ARHGAP25: variants seen among roughly 807,000 people sequenced by gnomAD.
The protein encoded by ARHGAP25 is rho GTPase-activating protein 25.
In ARHGAP25, 34 loss-of-function variants were observed where a neutral mutation model predicts 71.0. That is an observed-to-expected ratio of 0.48 (90% confidence interval 0.36 to 0.64). ARHGAP25 has a LOEUF of 0.64. Among genes scored for constraint, ARHGAP25 ranks in the 30% least tolerant of loss-of-function variants. The pLI is 0.00. For synonymous variants in ARHGAP25, 282 were observed against 296.5 expected (o/e 0.95, Z 0.50); for missense variants, 706 against 805.1 (o/e 0.88, Z 1.49).
At chr2:68,720,979 C>A (rs985173750) in intron 2 of ARHGAP25, among the ~76,000 whole-genome samples, 1 of 152,202 alleles carries the variant, frequency 6.6e-6, no homozygotes, top group African/African-American at 2.4e-5. Flanking sequence ...ACTCAAAGCA[C>A]CCCCAGACTC....
At chr2:68,766,468 G>C (rs1199825680) in intron 1 of ARHGAP25, among the ~76,000 whole-genome samples, 1 of 152,108 alleles carries the variant, frequency 6.6e-6, no homozygotes, top group Non-Finnish European at 1.5e-5. Context: ...GGCGGAGAGG[G>C]CTGGGTAAGG....
chr2:68,787,258 T>C (rs1198547557), intron 3 of ARHGAP25, among the ~76,000 whole-genome samples: 1 of 152,222 alleles, frequency 6.6e-6, no homozygotes, highest in Non-Finnish European at 1.5e-5. Context: ...GTAAAGAAAG[T>C]TCTAACAAGT....
intron 1 of ARHGAP25, among the ~76,000 whole-genome samples, chr2:68,739,899 C>T (rs10187273): frequency 6.6e-6 from 1 of 151,814 alleles, no homozygotes; most frequent in African/African-American, 2.4e-5. Context: ...AACCAAAAGT[C>T]ACTTTGCAAA....
At chr2:68,790,386 C>A (rs10204878) in intron 4 of ARHGAP25, among the ~76,000 whole-genome samples, 125,440 of 152,188 alleles carry the variant, frequency 0.82, 51,923 homozygotes, top group African/African-American at 0.9. Flanking sequence ...ACAAATCAGA[C>A]ATTTGTTCTT....
At chr2:68,798,253 A>G (rs1021510154) in intron 4 of ARHGAP25, among the ~76,000 whole-genome samples, 2 of 152,228 alleles carry the variant, frequency 1.3e-5, no homozygotes, top group African/African-American at 4.8e-5. Flanking sequence ...TTCCTAATCC[A>G]CAGCACAATT....
At chr2:68,763,682 C>T (rs943517516) in intron 1 of ARHGAP25, among the ~76,000 whole-genome samples, 5 of 152,166 alleles carry the variant, frequency 3.3e-5, no homozygotes, top group Non-Finnish European at 5.9e-5. Context: ...ATATTCCAGA[C>T]ATTTGAGTGA....
chr2:68,805,760 C>T (rs1272902549), intron 4 of ARHGAP25, among the ~76,000 whole-genome samples: 1 of 152,138 alleles, frequency 6.6e-6, no homozygotes, highest in Non-Finnish European at 1.5e-5. Flanking sequence ...CACAGGAACT[C>T]GAGGTGGGAT....
At chr2:68,809,236 A>T (rs571264697) in intron 5 of ARHGAP25, among the ~76,000 whole-genome samples, 1 of 151,488 alleles carries the variant, frequency 6.6e-6, no homozygotes, top group South Asian at 2.1e-4. Flanking sequence ...ATACTCCCCT[A>T]CTTCTCATTC....
At chr2:68,726,385 G>T (rs1458006038) in intron 2 of ARHGAP25, among the ~76,000 whole-genome samples, 3 of 152,332 alleles carry the variant, frequency 2.0e-5, no homozygotes, top group African/African-American at 7.2e-5. Flanking sequence ...TGGCCAAAAG[G>T]AGGTGTTACG....
chr2:68,735,273 TC>T lies in ARHGAP25; in HGVS notation c.61+14del. 1 of 1,613,384 alleles carries T rather than the reference TC, an allele frequency of 6.2e-7. No homozygotes were observed. Among genetic ancestry groups the T allele is most frequent in the Non-Finnish European group, 8.5e-7 (1 of 1,179,304 alleles). On this transcript the variant is annotated intron_variant, in intron 1 of 10. Transcript: ENST00000409202. ...GCTGCGAAAATAGGTATGGTTGGTGTCTTTTCGTTGCCTCTGTGATTCTTAC... is the reference window on the plus strand; with the variant it reads ...GCTGCGAAAATAGGTATGGTTGGTGTTTTTCGTTGCCTCTGTGATTCTTAC...
intron 4 of ARHGAP25, among the ~76,000 whole-genome samples, chr2:68,792,487 C>G (rs1435897348): frequency 6.6e-6 from 1 of 152,210 alleles, no homozygotes; most frequent in Non-Finnish European, 1.5e-5. Context: ...TTAGCTCCCA[C>G]TTATAAGTCA....
intron 4 of ARHGAP25, among the ~76,000 whole-genome samples, chr2:68,802,412 A>AAG (rs1680036311): frequency 6.6e-6 from 1 of 151,110 alleles, no homozygotes; most frequent in Non-Finnish European, 1.5e-5. Flanking sequence ...CATCTCAAAA[A>AAG]AAAAAAAAAA....
chr2:68,718,322 C>A (rs1004386124), intron 2 of ARHGAP25, among the ~76,000 whole-genome samples: 1 of 152,108 alleles, frequency 6.6e-6, no homozygotes, highest in Admixed American at 6.5e-5. Flanking sequence ...CTAGAGGCTT[C>A]CAGCATTGCC....
intron 5 of ARHGAP25, 123 bp from the exon 6 acceptor site, chr2:68,813,161 ACTC>A: frequency 2.8e-6 from 3 of 1,067,900 alleles, no homozygotes; most frequent in African/African-American, 3.2e-5. Flanking sequence ...TTATCAGACT[ACTC>A]CTCTGCAAAA....
intron 10 of ARHGAP25, 21 bp from the exon 11 acceptor site, chr2:68,825,966 C>G (rs990493438): frequency 1.9e-6 from 3 of 1,593,334 alleles, no homozygotes; most frequent in Non-Finnish European, 2.6e-6. Flanking sequence ...TTCTTTCATT[C>G]TTTTCTTTCC....
Position 68,782,185 on chromosome 2 carries a change from T to C in ARHGAP25, c.262-48T>C, listed in dbSNP as rs774646709. 2.1e-5 allele frequency: 33 copies of C among 1,539,642 alleles called. No homozygotes were observed. In the South Asian group the frequency reaches 3.4e-4, roughly 16 times the overall value. ...TCTGTTGTCCAACCCAATTTTAGTT[T>C]ATATTAAATTGCTGCTTATCCTTAA... On this transcript the variant is annotated intron_variant, in intron 2 of 10. Coordinates refer to ENST00000409202, the MANE Select transcript of ARHGAP25 (RefSeq NM_001007231.3).
chr2:68,809,789 A>G (rs1476908745), intron 5 of ARHGAP25, among the ~76,000 whole-genome samples: 1 of 152,044 alleles, frequency 6.6e-6, no homozygotes, highest in African/African-American at 2.4e-5. Flanking sequence ...GCTGGATTCC[A>G]CCCCAAGATG....
Position 68,826,064 on chromosome 2 carries a change from C to T in ARHGAP25, c.1811C>T (p.Ser604Phe), listed in dbSNP as rs1162112752. 1.2e-6 allele frequency: 2 copies of T among 1,614,088 alleles called. No individual in the cohort carries two copies. The highest frequency in any genetic ancestry group is 3.3e-5 in the Admixed American group (2 of 60,018). The change falls in exon 11 of 11, where the codon TCT (serine) becomes TTT (phenylalanine). Residue 604 changes from serine (S) to phenylalanine (F), a missense_variant. Transcript: ENST00000409202. The stretch of plus-strand genomic sequence containing the variant: ...GAACTGGAGAAGGAAAAGAAGAAGT[C>T]TGCAGCCCTAGAGATCAGCCTCCGC... ...NEELEKEKKK[S>F]AALEISLRNM... is the part of the protein sequence containing the mutation.
At chr2:68,766,452 G>A (rs1375056438) in intron 1 of ARHGAP25, among the ~76,000 whole-genome samples, 1 of 152,176 alleles carries the variant, frequency 6.6e-6, no homozygotes, top group Non-Finnish European at 1.5e-5. Flanking sequence ...CTGTTATGCA[G>A]AGACAGGCGG....
Sources: allele counts gnomAD v4.1 joint callset (sites outside exome capture counted in the v4.1 genomes callset), GRCh38; gene constraint gnomAD v4.1.1; transcripts MANE v1.5; gene names NCBI Gene and HGNC (gene_info 2026-07-23, HGNC 2026-07-21).